The following CCNT1 variants were observed in gnomAD, a reference collection of about 807,000 sequenced individuals.
CCNT1 encodes cyclin T1.
A neutral mutation model predicts 67.3 loss-of-function variants in CCNT1; 18 were observed. That is an observed-to-expected ratio of 0.27 (90% CI 0.18 to 0.40). CCNT1 has a LOEUF of 0.40. Ranked by LOEUF, CCNT1 falls within the 10% of genes least tolerant of loss-of-function variation. The pLI, the probability that CCNT1 is intolerant of heterozygous loss-of-function variation, is 1.00. For missense variants in CCNT1, 744 were observed against 884.9 expected, an observed-to-expected ratio of 0.84 and a Z score of 2.02; for synonymous variants, 333 against 310.3, an observed-to-expected ratio of 1.07 and a Z score of -0.77.
At chr12:48,707,796 C>T (rs1279779962) in intron 2 of CCNT1, among the ~76,000 whole-genome samples, 3 of 152,124 alleles carry the variant, frequency 2.0e-5, no homozygotes, top group South Asian at 2.1e-4. Flanking sequence ...TTGTGGCTCA[C>T]GCCTGTAATC....
At chr12:48,707,280 TTTTC>T (rs199780161) in intron 2 of CCNT1, among the ~76,000 whole-genome samples, 2,707 of 151,448 alleles carry the variant, frequency 0.018, 73 homozygotes, top group African/African-American at 0.061. Context: ...ACTAGATTTT[TTTTC>T]TTTCTTTTTT....
intron 3 of CCNT1, among the ~76,000 whole-genome samples, chr12:48,703,019 G>A (rs1051337225): frequency 2.6e-5 from 4 of 151,866 alleles, no homozygotes; most frequent in African/African-American, 9.7e-5. Context: ...AACTTGGGAG[G>A]CTGAGGTGAA....
chr12:48,701,217 C>A lies in CCNT1; in HGVS notation c.373-144G>T, dbSNP rs148197007. On this transcript the variant is annotated intron_variant, in intron 3 of 8. Transcript: ENST00000261900. Reference sequence around the variant, plus strand: ...GTAGAGTTAAGAACTGAAATACAATCTTTTTTTTTTTTTTTTTTTTTTTTT... The same window carrying A: ...GTAGAGTTAAGAACTGAAATACAATATTTTTTTTTTTTTTTTTTTTTTTTT... The A allele has an allele frequency of 1.6e-3, 148 of 92,986 alleles. 1 individual carries two copies. The East Asian group carries it at 0.016, about 10-fold the overall frequency. The allele number at this position is 92,986 out of a possible 1,614,324, so 5.8% of individuals were successfully genotyped here.
chr12:48,698,610 A>G (rs554621036), intron 5 of CCNT1, among the ~76,000 whole-genome samples: 14 of 152,382 alleles, frequency 9.2e-5, no homozygotes, highest in Non-Finnish European at 1.9e-4. Flanking sequence ...AAGCAAGATC[A>G]GAATCTAGAA....
chr12:48,694,503 T>A, intron 8 of CCNT1, 67 bp from the exon 9 acceptor site: 1 of 1,401,724 alleles, frequency 7.1e-7, no homozygotes. Context: ...CTGAGATGAG[T>A]AGATTGTACT....
At chr12:48,707,523 T>G (rs1238864762) in intron 2 of CCNT1, among the ~76,000 whole-genome samples, 1 of 152,088 alleles carries the variant, frequency 6.6e-6, no homozygotes, top group Non-Finnish European at 1.5e-5. Context: ...GCTCAAGTAA[T>G]TCTGTCTCTG....
In CCNT1 at chr12:48,692,396, ACAC is replaced by A. The variant is rs1249144587; in HGVS notation, c.*634_*636del. The A allele has an allele frequency of 1.3e-5, 2 of 152,164 alleles. No homozygotes were observed. Among genetic ancestry groups the A allele is most frequent in the African/African-American group, 4.8e-5 (2 of 41,422 alleles). The allele number at this position is 152,164 out of a possible 1,614,324, so 9.4% of individuals were successfully genotyped here. On this transcript the variant is annotated 3_prime_UTR_variant, in exon 9 of 9. Transcript: ENST00000261900. Reference sequence around the variant, plus strand: ...AAAACACACATACCCACACTTACATACACACTTAAAAGTCTGAAAAAAGTGGCC... The same window carrying A: ...AAAACACACATACCCACACTTACATAACTTAAAAGTCTGAAAAAAGTGGCC...
At chr12:48,695,913 T>G in intron 7 of CCNT1, 84 bp from the exon 8 acceptor site, 2 of 1,534,960 alleles carry the variant, frequency 1.3e-6, no homozygotes, top group Non-Finnish European at 1.8e-6. Context: ...TAACTAACTA[T>G]TTTCATCTGA....
At chr12:48,713,313 A>G (rs1474458400) in intron 2 of CCNT1, among the ~76,000 whole-genome samples, 1 of 151,580 alleles carries the variant, frequency 6.6e-6, no homozygotes, top group Non-Finnish European at 1.5e-5. Flanking sequence ...GTGATTATAC[A>G]TAAGAATGAG....
chr12:48,705,502 G>A, intron 3 of CCNT1: 7 of 365,910 alleles, frequency 1.9e-5, no homozygotes, highest in South Asian at 3.5e-5. Flanking sequence ...TAAACTTCTG[G>A]CCTAAAGTGA....
At chr12:48,703,311 C>T (rs1355809889) in intron 3 of CCNT1, among the ~76,000 whole-genome samples, 2 of 152,012 alleles carry the variant, frequency 1.3e-5, no homozygotes, top group Non-Finnish European at 2.9e-5. Context: ...TGGTGGCTCA[C>T]GCCTATAATC....
At chr12:48,697,830 A>C (rs1262947019) in intron 6 of CCNT1, 1 of 122,264 alleles carries the variant, frequency 8.2e-6, no homozygotes, top group Non-Finnish European at 1.6e-5. Flanking sequence ...AAAAATAATA[A>C]TAATAATTTA....
chr12:48,697,924 T>C (rs1292072282), intron 6 of CCNT1: 1 of 301,124 alleles, frequency 3.3e-6, no homozygotes, highest in Non-Finnish European at 6.3e-6. Flanking sequence ...TTTCAGTCAC[T>C]ATCATGCAGA....
At chr12:48,706,007 T>C (rs1392210123) in intron 2 of CCNT1, 111 bp from the exon 3 acceptor site, 2 of 1,025,476 alleles carry the variant, frequency 2.0e-6, no homozygotes, top group Non-Finnish European at 2.8e-6. Flanking sequence ...TGCCTCAACT[T>C]TGTCACCTCT....
intron 2 of CCNT1, among the ~76,000 whole-genome samples, chr12:48,714,230 G>A (rs185536430): frequency 6.6e-4 from 100 of 152,128 alleles, no homozygotes; most frequent in Non-Finnish European, 8.2e-4. Context: ...TTAGAGAATC[G>A]ACATGGATAT....
At chr12:48,698,492 T>A (rs1388603042) in intron 5 of CCNT1, among the ~76,000 whole-genome samples, 1 of 152,172 alleles carries the variant, frequency 6.6e-6, no homozygotes, top group Non-Finnish European at 1.5e-5. Flanking sequence ...AAAATTTAAT[T>A]AAATGTTTGG....
chr12:48,714,407 CA>C (rs757188639), intron 2 of CCNT1, 35 bp downstream of exon 2: 1 of 1,323,628 alleles, frequency 7.6e-7, no homozygotes, highest in Non-Finnish European at 1.1e-6. Context: ...GAATCAATCA[CA>C]AAAGGATTAT....
intron 2 of CCNT1, among the ~76,000 whole-genome samples, chr12:48,708,376 A>G (rs575011717): frequency 5.3e-5 from 8 of 152,162 alleles, no homozygotes; most frequent in South Asian, 2.1e-4. Context: ...GTAAAACTCC[A>G]TATCTACTAA....
At position 48,693,735 on chromosome 12, in the gene CCNT1, G is replaced by C. The variant is rs1431575272; in HGVS notation, c.1479C>G (p.His493Gln). 6.2e-7 allele frequency: 1 copy of C among 1,614,066 alleles called. No individual in the cohort carries two copies. The highest frequency in any genetic ancestry group is 8.5e-7 in the Non-Finnish European group (1 of 1,180,024). The change falls in exon 9 of 9, where the codon CAC (histidine) becomes CAG (glutamine). Residue 493 changes from histidine to glutamine, a missense_variant. Physicochemically the swap from His to Gln is conservative, Grantham distance 24. Transcript: ENST00000261900. The part of the protein sequence containing the change: ...RIKVHAAADK[H>Q]NSVEDSVTKS... The stretch of plus-strand genomic sequence containing the variant: ...TTGTAACACTGTCCTCTACAGAATT[G>C]TGCTTATCAGCTGCAGCATGGACTT...
Sources: allele counts gnomAD v4.1 joint callset (sites outside exome capture counted in the v4.1 genomes callset), GRCh38; gene constraint gnomAD v4.1.1; transcripts MANE v1.5; gene names NCBI Gene and HGNC (gene_info 2026-07-23, HGNC 2026-07-21).